Variants in EYS observed in about 807,000 individuals in gnomAD.
EYS encodes protein eyes shut homolog.
EYS carries 250 observed loss-of-function variants against 282.1 expected under a neutral mutation model. That is an observed-to-expected ratio of 0.89 (90% CI 0.80 to 0.98). The LOEUF (loss-of-function observed/expected upper bound fraction) is 0.98, where lower values mean the gene tolerates loss of function less well. EYS is among the 50% of genes least tolerant of loss of function. The pLI is 0.00. For missense variants in EYS, 4,016 were observed against 3,709.0 expected, an observed-to-expected ratio of 1.08 and a Z score of -2.15; for synonymous variants, 1,355 against 1,282.9, an observed-to-expected ratio of 1.06 and a Z score of -1.20.
intron 26 of EYS, among the ~76,000 whole-genome samples, chr6:64,558,113 AT>A (rs1332641994): frequency 1.3e-5 from 2 of 152,124 alleles, no homozygotes; most frequent in Non-Finnish European, 2.9e-5. Flanking sequence ...AATTTAAGAG[AT>A]GCAACCCTGA....
At chr6:64,579,544 T>A (rs910972222) in intron 26 of EYS, among the ~76,000 whole-genome samples, 1 of 152,134 alleles carries the variant, frequency 6.6e-6, no homozygotes, top group African/African-American at 2.4e-5. Flanking sequence ...CTCATTTCAA[T>A]GATTTCTAAA....
At chr6:64,141,230 T>C (rs1774327452) in intron 31 of EYS, among the ~76,000 whole-genome samples, 1 of 152,202 alleles carries the variant, frequency 6.6e-6, no homozygotes, top group African/African-American at 2.4e-5. Flanking sequence ...TCTTCACATA[T>C]AGATATATGT....
At chr6:63,921,878 A>G (rs1764582545) in intron 35 of EYS, among the ~76,000 whole-genome samples, 1 of 152,240 alleles carries the variant, frequency 6.6e-6, no homozygotes, top group Non-Finnish European at 1.5e-5. Flanking sequence ...ACCAAAGACA[A>G]AAAATGGCAT....
intron 26 of EYS, among the ~76,000 whole-genome samples, chr6:64,447,682 A>T (rs1582764444): frequency 6.6e-6 from 1 of 152,214 alleles, no homozygotes; most frequent in East Asian, 1.9e-4. Context: ...GCTAGACTAC[A>T]GAGTTTAAGA....
chr6:63,756,957 T>G (rs1234909954), intron 41 of EYS, among the ~76,000 whole-genome samples: 1 of 152,134 alleles, frequency 6.6e-6, no homozygotes, highest in African/African-American at 2.4e-5. Flanking sequence ...TGTGTTAAAC[T>G]GTACAAATTG....
At chr6:63,742,952 G>A (rs1397128469) in intron 41 of EYS, among the ~76,000 whole-genome samples, 2 of 152,120 alleles carry the variant, frequency 1.3e-5, no homozygotes, top group Non-Finnish European at 1.5e-5. Flanking sequence ...ATTTTGTGTG[G>A]ACGTAAGTTT....
Position 65,295,998 on chromosome 6 carries a change from T to A in EYS, c.1888A>T (p.Ser630Cys), listed in dbSNP as rs1470017835. Reference sequence around the variant, plus strand: ...TTCCTTTCATATCTTTGCAGACCGCTACAGTTACAATTGTGCGAAAGGGCC... The same window carrying A: ...TTCCTTTCATATCTTTGCAGACCGCAACAGTTACAATTGTGCGAAAGGGCC... The part of the protein sequence containing the change: ...CLALSHNCNC[S>C]GLQRYERNIC... The change falls in exon 12 of 43, where the codon AGC (serine) becomes TGC (cysteine). Residue 630 changes from serine to cysteine, a missense_variant. Ser to Cys is a moderately radical substitution (Grantham distance 112, BLOSUM62 -1). Transcript: ENST00000503581. 2 of 1,551,262 alleles carry A rather than the reference T, an allele frequency of 1.3e-6. No individual in the cohort carries two copies. Among genetic ancestry groups the A allele is most frequent in the Non-Finnish European group, 8.7e-7 (1 of 1,146,548 alleles).
At position 64,864,385 on chromosome 6, in the gene EYS, C is replaced by CTTTTTTTTTTTTTTTT. The variant is rs769240399; in HGVS notation, c.2992+22296_2992+22311dup. On this transcript the variant is annotated intron_variant, in intron 19 of 42. Coordinates refer to ENST00000503581, the MANE Select transcript of EYS (RefSeq NM_001142800.2). ...GAGAAATACAGAGGTGCTATACCTT[C>CTTTTTTTTTTTTTTTT]TTTTTTTTTTTTTTTTTTTTTGACA... is the stretch of plus-strand genomic sequence containing the variant. 2.4e-3 allele frequency among the ~76,000 whole-genome samples: 139 copies of CTTTTTTTTTTTTTTTT among 57,182 alleles called. 28 individuals carry two copies. Among genetic ancestry groups the CTTTTTTTTTTTTTTTT allele is most frequent in the Non-Finnish European group, 3.5e-3 (98 of 27,916 alleles). 37.5% of individuals were successfully genotyped at this position (57,182 alleles called of 152,430 possible).
At chr6:64,904,037 A>G (rs1279818778) in intron 16 of EYS, among the ~76,000 whole-genome samples, 1 of 152,206 alleles carries the variant, frequency 6.6e-6, no homozygotes, top group Admixed American at 6.5e-5. Context: ...TATGATTTTT[A>G]AAAACGCCAA....
At chr6:63,825,660 C>T (rs971778156) in intron 36 of EYS, among the ~76,000 whole-genome samples, 1 of 152,134 alleles carries the variant, frequency 6.6e-6, no homozygotes, top group African/African-American at 2.4e-5. Flanking sequence ...CACCGCAGTT[C>T]AGCTCACAGG....
intron 22 of EYS, among the ~76,000 whole-genome samples, chr6:64,670,127 C>G (rs1769396838): frequency 6.6e-6 from 1 of 152,114 alleles, no homozygotes; most frequent in African/African-American, 2.4e-5. Context: ...AAGTAGGAGC[C>G]TAACTTTGGT....
At chr6:64,733,640 G>T in intron 22 of EYS, 2 of 156,290 alleles carry the variant, frequency 1.3e-5, no homozygotes, top group South Asian at 3.7e-4. Context: ...GGGCGATGAT[G>T]ACATCATCTA....
intron 2 of EYS, among the ~76,000 whole-genome samples, chr6:65,631,210 A>G (rs2149808160): frequency 6.6e-6 from 1 of 152,310 alleles, no homozygotes; most frequent in East Asian, 1.9e-4. Context: ...GTTGAAAAAT[A>G]TCCTCATTCT....
At chr6:65,238,940 A>T (rs141481595) in intron 12 of EYS, among the ~76,000 whole-genome samples, 1,961 of 152,152 alleles carry the variant, frequency 0.013, 43 homozygotes, top group African/African-American at 0.044. Flanking sequence ...TAATATGCTT[A>T]AAAAAGTTAT....
chr6:63,920,746 T>C (rs1764546283), intron 35 of EYS, among the ~76,000 whole-genome samples: 1 of 152,124 alleles, frequency 6.6e-6, no homozygotes, highest in African/African-American at 2.4e-5. Context: ...CACTCAAACA[T>C]TGGGAATGTC....
At chr6:63,734,421 T>C (rs984679476) in intron 41 of EYS, among the ~76,000 whole-genome samples, 4 of 152,144 alleles carry the variant, frequency 2.6e-5, no homozygotes, top group African/African-American at 9.7e-5. Context: ...AGTGTCATCA[T>C]CTGATGGAAG....
intron 12 of EYS, among the ~76,000 whole-genome samples, chr6:65,229,378 G>GT (rs993310938): frequency 1.3e-5 from 2 of 151,908 alleles, no homozygotes; most frequent in Non-Finnish European, 2.9e-5. Flanking sequence ...CAAGGATGTT[G>GT]TTTTTGTTTG....
At chr6:64,918,855 C>A (rs79480796) in intron 15 of EYS, among the ~76,000 whole-genome samples, 2,487 of 152,198 alleles carry the variant, frequency 0.016, 66 homozygotes, top group African/African-American at 0.058. Context: ...AGATGCTGTC[C>A]TGCATGTATT....
intron 22 of EYS, among the ~76,000 whole-genome samples, chr6:64,636,039 C>T (rs60415061): frequency 0.029 from 4,455 of 151,914 alleles, 132 homozygotes; most frequent in East Asian, 0.097. Flanking sequence ...ACTTCAATCC[C>T]ATCCCCATCA....
Sources: gnomAD v4.1 joint callset for allele counts (sites outside exome capture counted in the v4.1 genomes callset) on GRCh38, gnomAD v4.1.1 for gene constraint, MANE v1.5 for transcripts, NCBI Gene and HGNC (gene_info 2026-07-23, HGNC 2026-07-21) for gene names.